Variants in MDFIC2 observed in about 807,000 individuals in gnomAD.
The protein encoded by MDFIC2 is myoD family inhibitor domain-containing protein 2.
At chr3:70,212,251 C>T (rs1701358591) in intron 2 of MDFIC2, among the ~76,000 whole-genome samples, 1 of 152,150 alleles carries the variant, frequency 6.6e-6, no homozygotes, top group Non-Finnish European at 1.5e-5. Context: ...ACAGTAATCA[C>T]AAATTACAGC....
chr3:70,283,925 C>G (rs553415448), intron 2 of MDFIC2: 5 of 152,068 alleles, frequency 3.3e-5, no homozygotes, highest in East Asian at 3.9e-4. Context: ...TATTAATAAT[C>G]TTAAGATTAT....
At chr3:70,252,517 G>A (rs972150217) in intron 2 of MDFIC2, among the ~76,000 whole-genome samples, 1 of 152,106 alleles carries the variant, frequency 6.6e-6, no homozygotes, top group Non-Finnish European at 1.5e-5. Flanking sequence ...GTGATTCAAG[G>A]TTACAATTGC....
chr3:70,196,174 A>G lies in MDFIC2; in HGVS notation c.*752T>C, dbSNP rs1263505785. Among the ~76,000 whole-genome samples, 35 of 152,228 alleles carry G rather than the reference A, an allele frequency of 2.3e-4. 1 individual carries two copies. The highest frequency in any genetic ancestry group is 2.2e-3 in the Admixed American group (34 of 15,282). On this transcript the variant is annotated 3_prime_UTR_variant, in exon 4 of 4. Transcript: ENST00000567252. ...TTTTTGAAACTTGCACATAATTCTC[A>G]TTTATGCTTATTAGAATAACTAAGA...
chr3:70,248,546 G>A (rs1701730245), intron 2 of MDFIC2, among the ~76,000 whole-genome samples: 1 of 151,932 alleles, frequency 6.6e-6, no homozygotes, highest in Non-Finnish European at 1.5e-5. Flanking sequence ...TTTAAAACAG[G>A]GAAAATACAT....
rs985187047 is a variant in MDFIC2, at chr3:70,301,057, A to G, written c.88+10829T>C. Among the ~76,000 whole-genome samples the G allele has an allele frequency of 2.0e-5, 3 of 152,180 alleles. 1 individual carries two copies. Among genetic ancestry groups the G allele is most frequent in the African/African-American group, 7.2e-5 (3 of 41,552 alleles). On this transcript the variant is annotated intron_variant, in intron 2 of 3. Coordinates refer to ENST00000567252, the MANE Select transcript of MDFIC2 (RefSeq NM_001364677.1). ...GCTCTTTATGTTATAGTTTTTCCTC[A>G]TTTAAAAAAGACGATGTTAGCTATT... is the stretch of plus-strand genomic sequence containing the variant.
chr3:70,248,185 G>A (rs1439584313), intron 2 of MDFIC2, among the ~76,000 whole-genome samples: 1 of 151,992 alleles, frequency 6.6e-6, no homozygotes, highest in Non-Finnish European at 1.5e-5. Flanking sequence ...AGAAACATGA[G>A]TAAGTAAATA....
intron 2 of MDFIC2, among the ~76,000 whole-genome samples, chr3:70,310,276 C>G (rs112001442): frequency 9.2e-5 from 14 of 152,052 alleles, no homozygotes; most frequent in African/African-American, 2.9e-4. Flanking sequence ...TAATGTCCTA[C>G]TATTAAAATT....
chr3:70,233,009 T>C (rs1011679379), intron 2 of MDFIC2, among the ~76,000 whole-genome samples: 1 of 152,138 alleles, frequency 6.6e-6, no homozygotes, highest in African/African-American at 2.4e-5. Flanking sequence ...GTTATCATGG[T>C]GAAATACAGT....
intron 2 of MDFIC2, among the ~76,000 whole-genome samples, chr3:70,294,975 A>C (rs926439328): frequency 6.6e-6 from 1 of 152,046 alleles, no homozygotes; most frequent in Non-Finnish European, 1.5e-5. Flanking sequence ...AACCCCAAAA[A>C]CCTTTACTAG....
chr3:70,301,468 T>C (rs2106701950), intron 2 of MDFIC2, among the ~76,000 whole-genome samples: 1 of 152,254 alleles, frequency 6.6e-6, no homozygotes, highest in Non-Finnish European at 1.5e-5. Flanking sequence ...CCCAACTGAA[T>C]TATAAGTTTC....
At chr3:70,309,574 C>T (rs1702437316) in intron 2 of MDFIC2, among the ~76,000 whole-genome samples, 1 of 152,144 alleles carries the variant, frequency 6.6e-6, no homozygotes, top group South Asian at 2.1e-4. Context: ...GATGGCTGAG[C>T]TGAGATTTAG....
intron 2 of MDFIC2, chr3:70,292,163 C>T (rs556852690): frequency 6.6e-6 from 1 of 152,190 alleles, no homozygotes; most frequent in Non-Finnish European, 1.5e-5. Flanking sequence ...GGACAAACTA[C>T]TCCATGTCTC....
intron 2 of MDFIC2, among the ~76,000 whole-genome samples, chr3:70,299,575 G>A (rs567313191): frequency 3.1e-4 from 47 of 152,216 alleles, no homozygotes; most frequent in Admixed American, 9.8e-4. Flanking sequence ...GCCAAGGCTC[G>A]TTGGAGTCAG....
At chr3:70,267,609 G>A (rs1381533232) in intron 2 of MDFIC2, among the ~76,000 whole-genome samples, 1 of 147,562 alleles carries the variant, frequency 6.8e-6, no homozygotes, top group African/African-American at 2.5e-5. Context: ...GTAAAGACGG[G>A]GTTTCACCCT....
intron 2 of MDFIC2, among the ~76,000 whole-genome samples, chr3:70,278,928 A>G (rs1702054649): frequency 6.6e-6 from 1 of 151,740 alleles, no homozygotes; most frequent in African/African-American, 2.4e-5. Context: ...GAGCTCAATG[A>G]ATAGTTTCTT....
chr3:70,227,406 T>C (rs988401998), intron 2 of MDFIC2, among the ~76,000 whole-genome samples: 1 of 152,196 alleles, frequency 6.6e-6, no homozygotes. Context: ...TGATTCAAAA[T>C]ATCAAGTTCT....
intron 2 of MDFIC2, among the ~76,000 whole-genome samples, chr3:70,300,226 C>G (rs1484479573): frequency 1.3e-5 from 2 of 152,082 alleles, no homozygotes; most frequent in African/African-American, 4.8e-5. Flanking sequence ...GGTAAACAAG[C>G]CAGAAACGCC....
At chr3:70,203,743 A>G (rs1701265351) in intron 3 of MDFIC2, among the ~76,000 whole-genome samples, 1 of 152,146 alleles carries the variant, frequency 6.6e-6, no homozygotes, top group African/African-American at 2.4e-5. Context: ...TTCCTCTTCC[A>G]CCTGGATGAG....
chr3:70,295,586 C>T (rs546024525), intron 2 of MDFIC2, among the ~76,000 whole-genome samples: 2 of 152,042 alleles, frequency 1.3e-5, no homozygotes, highest in Non-Finnish European at 2.9e-5. Context: ...ACCTGTAGTC[C>T]TATTCCTAAG....
Sources: gnomAD v4.1 joint callset for allele counts (sites outside exome capture counted in the v4.1 genomes callset) on GRCh38, gnomAD v4.1.1 for gene constraint, MANE v1.5 for transcripts, NCBI Gene and HGNC (gene_info 2026-07-23, HGNC 2026-07-21) for gene names.